The following FOXP1 variants were observed in gnomAD, a reference collection of about 807,000 sequenced individuals.
FOXP1 encodes the protein forkhead box protein P1.
A neutral mutation model predicts 98.2 loss-of-function variants in FOXP1; 15 were observed. The observed-to-expected ratio is 0.15, with a 90% CI of 0.10 to 0.24. The LOEUF (loss-of-function observed/expected upper bound fraction) is 0.24, where lower values mean the gene tolerates loss of function less well. Ranked by LOEUF, FOXP1 falls within the 10% of genes least tolerant of loss-of-function variation. The pLI is 1.00. For missense variants in FOXP1, 633 were observed against 848.5 expected, an observed-to-expected ratio of 0.75 and a Z score of 3.15; for synonymous variants, 371 against 314.5, an observed-to-expected ratio of 1.18 and a Z score of -1.90.
intron 2 of FOXP1, among the ~76,000 whole-genome samples, chr3:71,497,414 T>A (rs531150654): frequency 1.3e-5 from 2 of 152,314 alleles, no homozygotes; most frequent in East Asian, 3.9e-4. Context: ...GAAAAGTAAA[T>A]GCACTAACAA....
chr3:70,976,045 T>C (rs745805125), intron 17 of FOXP1, among the ~76,000 whole-genome samples: 8 of 81,020 alleles, frequency 9.9e-5, no homozygotes, highest in Non-Finnish European at 1.6e-4. Context: ...TGAGGGACAA[T>C]CTCCTTTTTT....
chr3:71,492,123 G>C (rs999159684), intron 3 of FOXP1, among the ~76,000 whole-genome samples: 1 of 152,016 alleles, frequency 6.6e-6, no homozygotes, highest in East Asian at 1.9e-4. Flanking sequence ...ACACTGATAG[G>C]ATAGGATCCT....
At chr3:71,307,668 G>A (rs1203355449) in intron 4 of FOXP1, among the ~76,000 whole-genome samples, 4 of 152,158 alleles carry the variant, frequency 2.6e-5, no homozygotes, top group Admixed American at 2.6e-4. Context: ...GTATATCACT[G>A]TGAGAAAGCT....
chr3:71,161,629 T>C (rs1245105076), intron 6 of FOXP1, among the ~76,000 whole-genome samples: 1 of 152,234 alleles, frequency 6.6e-6, no homozygotes, highest in Admixed American at 6.5e-5. Context: ...GTGTGGCCAC[T>C]TTTAATCCAC....
At chr3:71,454,640 G>A (rs1179125018) in intron 3 of FOXP1, among the ~76,000 whole-genome samples, 1 of 152,070 alleles carries the variant, frequency 6.6e-6, no homozygotes. Context: ...TGACCTCCAT[G>A]CACCTCAAGG....
intron 5 of FOXP1, chr3:71,296,410 T>TA (rs1215149881): frequency 6.6e-6 from 1 of 152,236 alleles, no homozygotes; most frequent in Admixed American, 6.5e-5. Flanking sequence ...AACATCTTTT[T>TA]AAATTGTATA....
rs2084694469 is a variant in FOXP1, at chr3:71,431,301, A to C, written c.-168+62125T>G. Reference sequence around the variant, plus strand: ...TGAGGAAGCCTTATTCTCCATAGACAGAGTGCGAGAATAAGTGGCAATGTG... The same window carrying C: ...TGAGGAAGCCTTATTCTCCATAGACCGAGTGCGAGAATAAGTGGCAATGTG... On this transcript the variant is annotated intron_variant, in intron 3 of 20. Transcript: ENST00000649528. Among the ~76,000 whole-genome samples, 3 of 152,208 alleles carry C rather than the reference A, an allele frequency of 2.0e-5. No individual in the cohort carries two copies. In the South Asian group the frequency reaches 6.2e-4, roughly 32 times the overall value.
chr3:71,532,889 G>T (rs2043971326), intron 2 of FOXP1, among the ~76,000 whole-genome samples: 1 of 152,162 alleles, frequency 6.6e-6, no homozygotes. Flanking sequence ...AGGAGGCGAG[G>T]CGGGGGACAG....
intron 3 of FOXP1, among the ~76,000 whole-genome samples, chr3:71,436,487 C>G (rs868836000): frequency 4.6e-4 from 6 of 13,028 alleles, no homozygotes; most frequent in Middle Eastern, 0.033. Flanking sequence ...AATACCCCAT[C>G]TATCGTCCCT....
chr3:71,174,052 G>A (rs1165882184), intron 6 of FOXP1, among the ~76,000 whole-genome samples: 1 of 152,190 alleles, frequency 6.6e-6, no homozygotes, highest in Non-Finnish European at 1.5e-5. Context: ...TACTGCCCTA[G>A]TCCTCTGTTT....
intron 7 of FOXP1, among the ~76,000 whole-genome samples, chr3:71,091,527 CAAAA>C (rs553093199): frequency 2.7e-5 from 4 of 146,096 alleles, no homozygotes; most frequent in Non-Finnish European, 6.0e-5. Context: ...AACAAACAAA[CAAAA>C]AAAAAACTGA....
At chr3:70,959,959 C>T (rs1302239632) in intron 20 of FOXP1, among the ~76,000 whole-genome samples, 1 of 152,122 alleles carries the variant, frequency 6.6e-6, no homozygotes, top group Non-Finnish European at 1.5e-5. Flanking sequence ...AATAATTACA[C>T]GAAATAAGAA....
intron 2 of FOXP1, among the ~76,000 whole-genome samples, chr3:71,552,578 A>G (rs2045857760): frequency 1.3e-5 from 2 of 152,010 alleles, no homozygotes; most frequent in African/African-American, 4.8e-5. Context: ...GGTCATTTAG[A>G]AAAACTAAAA....
intron 7 of FOXP1, among the ~76,000 whole-genome samples, chr3:71,085,815 C>T (rs925125439): frequency 3.7e-5 from 5 of 133,474 alleles, no homozygotes; most frequent in East Asian, 2.5e-4. Flanking sequence ...CTGCAACCTC[C>T]GCCTCCTGGG....
At chr3:71,365,330 C>T (rs2078842440) in intron 3 of FOXP1, among the ~76,000 whole-genome samples, 3 of 151,954 alleles carry the variant, frequency 2.0e-5, no homozygotes, top group Admixed American at 1.3e-4. Flanking sequence ...ACTCACTCAC[C>T]CCATGCCTGG....
intron 4 of FOXP1, among the ~76,000 whole-genome samples, chr3:71,307,141 C>T (rs2074339008): frequency 6.6e-6 from 1 of 152,150 alleles, no homozygotes; most frequent in East Asian, 1.9e-4. Context: ...TAATGCCCTA[C>T]AGAACTCTGT....
intron 14 of FOXP1, among the ~76,000 whole-genome samples, chr3:70,979,605 T>TGGTA (rs2107355141): frequency 1.3e-5 from 2 of 151,988 alleles, no homozygotes; most frequent in East Asian, 3.9e-4. Flanking sequence ...TCACTTACCA[T>TGGTA]AGTAAGTCTA....
chr3:71,033,743 G>T (rs2047198681), intron 11 of FOXP1, among the ~76,000 whole-genome samples: 1 of 152,068 alleles, frequency 6.6e-6, no homozygotes, highest in South Asian at 2.1e-4. Context: ...ATGGCCCTGA[G>T]AGAATCCTTT....
chr3:71,045,298 T>G (rs1229181737), intron 10 of FOXP1, among the ~76,000 whole-genome samples: 1 of 152,182 alleles, frequency 6.6e-6, no homozygotes, highest in Non-Finnish European at 1.5e-5. Context: ...ACTTCATGCA[T>G]CACCACATTC....
Sources: allele counts gnomAD v4.1 joint callset (sites outside exome capture counted in the v4.1 genomes callset), GRCh38; gene constraint gnomAD v4.1.1; transcripts MANE v1.5; gene names NCBI Gene and HGNC (gene_info 2026-07-23, HGNC 2026-07-21).